Variants in TMEM201 observed in about 807,000 individuals in gnomAD.
TMEM201 encodes the protein transmembrane protein 201.
Under a neutral mutation model 63.4 loss-of-function variants are expected in TMEM201, and 26 were observed. The observed-to-expected ratio is 0.41, with a 90% confidence interval of 0.30 to 0.57. The LOEUF is 0.57. Among genes scored for constraint, TMEM201 ranks in the 20% least tolerant of loss-of-function variants. The pLI is 0.29. For missense variants in TMEM201, 794 were observed against 917.7 expected (o/e 0.87, Z 1.74); for synonymous variants, 417 against 421.6 (o/e 0.99, Z 0.14).
chr1:9,591,005 C>A (rs1474830952), intron 1 of TMEM201, among the ~76,000 whole-genome samples: 1 of 152,184 alleles, frequency 6.6e-6, no homozygotes, highest in Non-Finnish European at 1.5e-5. Flanking sequence ...CAGAGATGGA[C>A]AGAGAGGAAG....
Position 9,610,454 on chromosome 1 carries a change from G to C in TMEM201, c.1466-52G>C. On this transcript the variant is annotated intron_variant, in intron 8 of 10. Transcript: ENST00000340381. The surrounding 1 kb of genome is among the most constrained non-coding windows in gnomAD (Gnocchi z 4.9). ...CCCAGAAATGAAATAGCGCATTGTA[G>C]CGTTGCAGTGACAGGAGCCCACGTT... The C allele has an allele frequency of 7.0e-7, 1 of 1,426,844 alleles. No individual in the cohort carries two copies. Among genetic ancestry groups the C allele is most frequent in the South Asian group, 1.4e-5 (1 of 71,986 alleles). 88.4% of individuals were successfully genotyped at this position (1,426,844 alleles called of 1,614,324 possible). A position where few individuals can be genotyped will look rare whatever the true frequency, so the allele number is the denominator to read the frequency against.
chr1:9,600,053 T>C lies in TMEM201; in HGVS notation c.607-1052T>C, dbSNP rs549110920. ...AGAGGGTCCACCTGGTGCCTTGCTGTGCAGACGTGTGGCAGGGCAGAGGTA... is the reference window on the plus strand; with the variant it reads ...AGAGGGTCCACCTGGTGCCTTGCTGCGCAGACGTGTGGCAGGGCAGAGGTA... On this transcript the variant is annotated intron_variant, in intron 4 of 10. Coordinates refer to ENST00000340381, the MANE Select transcript of TMEM201 (RefSeq NM_001130924.3). Among the ~76,000 whole-genome samples, 40 of 152,276 alleles carry C rather than the reference T, an allele frequency of 2.6e-4. 1 individual carries two copies. In the South Asian group the frequency reaches 3.9e-3, roughly 15 times the overall value.
At chr1:9,612,010 G>GC in intron 10 of TMEM201, 120 bp downstream of exon 10, 1 of 1,220,770 alleles carries the variant, frequency 8.2e-7, no homozygotes, top group South Asian at 1.6e-5. Context: ...GTCCCTGAGT[G>GC]GCCGACAAGT....
At chr1:9,612,431 C>G (rs898155930) in intron 10 of TMEM201, among the ~76,000 whole-genome samples, 1 of 152,158 alleles carries the variant, frequency 6.6e-6, no homozygotes, top group African/African-American at 2.4e-5. Context: ...CATCATCACT[C>G]CCTGGGTGGG....
rs116137879 is a variant in TMEM201 at position 9,603,137 on chromosome 1, C to T, written c.1160+865C>T. Reference sequence around the variant, plus strand: ...CATCCTTTCCCTCCCTGACCTGTCACGAGCCTCTGCAGGTGCCTGCTCACC... The same window carrying T: ...CATCCTTTCCCTCCCTGACCTGTCATGAGCCTCTGCAGGTGCCTGCTCACC... On this transcript the variant is annotated intron_variant, in intron 6 of 10. Coordinates refer to ENST00000340381, the MANE Select transcript of TMEM201 (RefSeq NM_001130924.3). This position sits in a 1 kb window ranked among gnomAD's most constrained non-coding sequence, Gnocchi z 4.5. 10,991 of 985,546 alleles carry T rather than the reference C, an allele frequency of 0.011. 93 individuals carry two copies. Among genetic ancestry groups the T allele is most frequent in the Admixed American group, 0.012 (201 of 16,290 alleles). The allele number at this position is 985,546 out of a possible 1,614,324, so 61.1% of individuals were successfully genotyped here.
Position 9,604,598 on chromosome 1 carries a change from T to G in TMEM201, c.1160+2326T>G, listed in dbSNP as rs1644208969. The G allele has an allele frequency of 1.0e-6, 1 of 985,364 alleles. No homozygotes were observed. Among genetic ancestry groups the G allele is most frequent in the African/African-American group, 1.7e-5 (1 of 57,230 alleles). 61.0% of individuals were successfully genotyped at this position (985,364 alleles called of 1,614,324 possible). A position where few individuals can be genotyped will look rare whatever the true frequency, so the allele number is the denominator to read the frequency against. ...GCCATCAGACCTTCTAGGGTCTGGC[T>G]GGGGTCATCCTAGGTATGGGTGACC... On this transcript the variant is annotated intron_variant, in intron 6 of 10. Transcript: ENST00000340381. This position sits in a 1 kb window ranked among gnomAD's most constrained non-coding sequence, Gnocchi z 4.1.
chr1:9,589,161 G>T (rs1439954901), intron 1 of TMEM201, 118 bp downstream of exon 1: 4 of 264,962 alleles, frequency 1.5e-5, no homozygotes, highest in South Asian at 1.4e-4. Flanking sequence ...GGCGCGCGGA[G>T]ACCCCCGGCG....
intron 6 of TMEM201, among the ~76,000 whole-genome samples, chr1:9,606,880 G>T (rs1196495702): frequency 6.6e-6 from 1 of 152,202 alleles, no homozygotes; most frequent in Non-Finnish European, 1.5e-5. Context: ...TTTTGGCGTT[G>T]TCCTGTGAGA....
At position 9,607,315 on chromosome 1, in the gene TMEM201, C is replaced by CGAGGGGGTAG; in HGVS notation, c.1161-234_1161-225dup. ...GTAGTGGAGATAGTTTGCTGTGAGCCGAGGGGGTAGGAGGGGGCATGTGGG... is the reference window on the plus strand; with the variant it reads ...GTAGTGGAGATAGTTTGCTGTGAGCCGAGGGGGTAGGAGGGGGTAGGAGGGGGCATGTGGG... On this transcript the variant is annotated intron_variant, in intron 6 of 10. Transcript: ENST00000340381. The surrounding 1 kb of genome is among the most constrained non-coding windows in gnomAD (Gnocchi z 5.4). Among the ~76,000 whole-genome samples the CGAGGGGGTAG allele has an allele frequency of 6.6e-6, 1 of 151,198 alleles. No individual in the cohort carries two copies. Among genetic ancestry groups the CGAGGGGGTAG allele is most frequent in the East Asian group, 1.9e-4 (1 of 5,146 alleles).
At chr1:9,600,491 A>AT (rs1644116448) in intron 4 of TMEM201, among the ~76,000 whole-genome samples, 2 of 152,218 alleles carry the variant, frequency 1.3e-5, no homozygotes, top group Admixed American at 6.5e-5. Flanking sequence ...ACCCATGCTC[A>AT]GATACGCACA....
At chr1:9,600,914 G>A (rs1644126283) in intron 4 of TMEM201, among the ~76,000 whole-genome samples, 191 bp from the exon 5 acceptor site, 1 of 152,102 alleles carries the variant, frequency 6.6e-6, no homozygotes, top group Non-Finnish European at 1.5e-5. Flanking sequence ...AAAAGGAGAG[G>A]GTGGTAGAGC....
chr1:9,595,506 G>A (rs1644000826), intron 1 of TMEM201, among the ~76,000 whole-genome samples: 1 of 152,130 alleles, frequency 6.6e-6, no homozygotes, highest in Non-Finnish European at 1.5e-5. Context: ...GGTTTGGCCA[G>A]CCCTGGCCCC....
intron 1 of TMEM201, among the ~76,000 whole-genome samples, chr1:9,591,443 C>A (rs1183526450): frequency 6.6e-6 from 1 of 152,254 alleles, no homozygotes; most frequent in African/African-American, 2.4e-5. Context: ...CCACGGTCGG[C>A]ACAGTTGGGG....
At chr1:9,601,943 C>G in intron 5 of TMEM201, 126 bp from the exon 6 acceptor site, 1 of 1,165,958 alleles carries the variant, frequency 8.6e-7, no homozygotes, top group Non-Finnish European at 1.2e-6. Context: ...GATTCCGAGC[C>G]CACACTGTCC....
intron 1 of TMEM201, among the ~76,000 whole-genome samples, chr1:9,593,982 G>A (rs1261766077): frequency 6.6e-6 from 1 of 152,264 alleles, no homozygotes; most frequent in Non-Finnish European, 1.5e-5. Context: ...CAGCAGAGCA[G>A]GTCTCCACAT....
rs1644339016 is a variant in TMEM201, at chr1:9,612,528, C to T, written c.1904-458C>T. Among the ~76,000 whole-genome samples the T allele has an allele frequency of 3.9e-5, 6 of 152,334 alleles. No homozygotes were observed. The South Asian group carries it at 1.2e-3, about 32-fold the overall frequency. ...GTCATTTTGCACTGACTCTCAAAGC[C>T]AGTGCTGCCCCAGGCTGGAGGGTGG... On this transcript the variant is annotated intron_variant, in intron 10 of 10. Transcript: ENST00000340381.
chr1:9,606,502 T>C (rs1374344028), intron 6 of TMEM201: 1 of 152,226 alleles, frequency 6.6e-6, no homozygotes, highest in Non-Finnish European at 1.5e-5. Context: ...GGCGCGCGGC[T>C]TGGCTAGCGA....
chr1:9,597,090 G>A, intron 3 of TMEM201, 37 bp downstream of exon 3: 1 of 1,573,744 alleles, frequency 6.4e-7, no homozygotes, highest in Middle Eastern at 1.8e-4. Flanking sequence ...TCCTGGCTGG[G>A]GCCAGGGATG....
At chr1:9,596,460 C>T (rs1344609549) in intron 2 of TMEM201, among the ~76,000 whole-genome samples, 1 of 152,220 alleles carries the variant, frequency 6.6e-6, no homozygotes, top group African/African-American at 2.4e-5. Context: ...AGTGAATTAG[C>T]CTGGCTGTGT....
Sources: allele counts gnomAD v4.1 joint callset (sites outside exome capture counted in the v4.1 genomes callset), GRCh38; gene constraint gnomAD v4.1.1; non-coding constraint Gnocchi (gnomAD v3.1); transcripts MANE v1.5; gene names NCBI Gene and HGNC (gene_info 2026-07-23, HGNC 2026-07-21).